VRK1: variants seen among roughly 807,000 people sequenced by gnomAD.
VRK1 encodes the protein serine/threonine-protein kinase VRK1.
A neutral mutation model predicts 57.1 loss-of-function variants in VRK1; 33 were observed. The observed-to-expected ratio is 0.58, with a 90% CI of 0.44 to 0.77. The LOEUF is 0.77. Among genes scored for constraint, VRK1 ranks in the 30% least tolerant of loss-of-function variants. The pLI, the probability that VRK1 is intolerant of heterozygous loss-of-function variation, is 0.00. For synonymous variants in VRK1, 137 were observed against 147.8 expected, an observed-to-expected ratio of 0.93 and a Z score of 0.53; for missense variants, 413 against 477.3, an observed-to-expected ratio of 0.87 and a Z score of 1.25.
At chr14:96,852,337 T>G (rs541897781) in intron 5 of VRK1, among the ~76,000 whole-genome samples, 2 of 152,370 alleles carry the variant, frequency 1.3e-5, no homozygotes, top group Admixed American at 1.3e-4. Context: ...TTTACGCCAT[T>G]TAAACAATGG....
intron 1 of VRK1, among the ~76,000 whole-genome samples, chr14:96,819,376 TAATG>T (rs1886511247): frequency 6.6e-6 from 1 of 152,170 alleles, no homozygotes; most frequent in African/African-American, 2.4e-5. Flanking sequence ...ATGAATGACT[TAATG>T]AAGAAAGTAA....
At chr14:96,875,983 C>T in intron 11 of VRK1, 47 bp from the exon 12 acceptor site, 2 of 1,591,092 alleles carry the variant, frequency 1.3e-6, no homozygotes, top group Non-Finnish European at 1.7e-6. Context: ...TTGTAGTTTA[C>T]TTGACTGTCA....
rs771146978 is a variant in VRK1, at chr14:96,855,282, A to C, written c.635A>C (p.Glu212Ala). The C allele has an allele frequency of 6.2e-7, 1 of 1,614,132 alleles. No homozygotes were observed. The highest frequency in any genetic ancestry group is 1.1e-5 in the South Asian group (1 of 91,082). ...TACTGCCCAGAAGGAGTTCATAAAG[A>C]ATACAAAGAAGACCCCAAAAGATGT... ...YRYCPEGVHK[E>A]YKEDPKRCHD... The change falls in exon 8 of 13, where the codon GAA (glutamate) becomes GCA (alanine). Residue 212 changes from glutamate (E) to alanine (A), a missense_variant. Physicochemically the swap from Glu to Ala is moderately radical, Grantham distance 107. Coordinates refer to ENST00000216639, the MANE Select transcript of VRK1 (RefSeq NM_003384.3).
intron 5 of VRK1, 148 bp from the exon 6 acceptor site, chr14:96,852,683 A>C (rs1887997280): frequency 1.4e-6 from 1 of 694,784 alleles, no homozygotes; most frequent in African/African-American, 1.8e-5. Context: ...TCTAGTTGGG[A>C]GAAATTGTTT....
In VRK1 at chr14:96,873,791, G is replaced by A. The variant is rs1198558305; in HGVS notation, c.1069-2239G>A. Among the ~76,000 whole-genome samples, 5 of 152,156 alleles carry A rather than the reference G, an allele frequency of 3.3e-5. No individual in the cohort carries two copies. In the East Asian group the frequency reaches 9.6e-4, roughly 29 times the overall value. ...ACTTAGGTACTACTAAACTTGAAGG[G>A]TTTTATTTTGGTTTTTTAATTGGTC... On this transcript the variant is annotated intron_variant, in intron 11 of 12. Transcript: ENST00000216639.
chr14:96,852,232 A>G (rs537369396), intron 5 of VRK1, among the ~76,000 whole-genome samples: 3 of 152,324 alleles, frequency 2.0e-5, no homozygotes, highest in East Asian at 3.9e-4. Context: ...CCAAGGTGAC[A>G]TAGCTGCTTT....
intron 11 of VRK1, among the ~76,000 whole-genome samples, chr14:96,872,553 C>G (rs1888864976): frequency 6.6e-6 from 1 of 152,182 alleles, no homozygotes; most frequent in African/African-American, 2.4e-5. Context: ...CAACTAGAAA[C>G]TGCTGCTTCC....
chr14:96,853,836 A>G (rs989169324), intron 7 of VRK1, among the ~76,000 whole-genome samples: 2 of 152,116 alleles, frequency 1.3e-5, no homozygotes, highest in Non-Finnish European at 2.9e-5. Context: ...TACTTAATGT[A>G]TGTTCTCACT....
In VRK1 at chr14:96,824,526, C is replaced by T. The variant is rs192774657; in HGVS notation, c.-5-8941C>T. Among the ~76,000 whole-genome samples, 519 of 151,582 alleles carry T rather than the reference C, an allele frequency of 3.4e-3. 1 individual carries two copies. Among genetic ancestry groups the T allele is most frequent in the Non-Finnish European group, 6.2e-3 (419 of 67,954 alleles). On this transcript the variant is annotated intron_variant, in intron 1 of 12. Transcript: ENST00000216639. ...AGAGAGGAATCATGAAGGCGGATCT[C>T]GGAGTGAGTTGGATAAGTAGGTGAA...
chr14:96,804,714 G>A (rs910351687), intron 1 of VRK1, among the ~76,000 whole-genome samples: 4 of 152,216 alleles, frequency 2.6e-5, no homozygotes, highest in African/African-American at 4.8e-5. Context: ...ATTTGTGGCA[G>A]TGATACGTTG....
intron 11 of VRK1, among the ~76,000 whole-genome samples, chr14:96,872,252 T>C (rs1888851696): frequency 6.6e-6 from 1 of 152,236 alleles, no homozygotes; most frequent in Non-Finnish European, 1.5e-5. Flanking sequence ...TATATGTAAT[T>C]AATGTCCATT....
rs1888958036 is a variant in VRK1 at position 96,874,701 on chromosome 14, A to G, written c.1069-1329A>G. ...CTCTGAGTTCTAATTTTCCACAGCC[A>G]CCTTAAGAATGTTTTGAAACAGTGG... On this transcript the variant is annotated intron_variant, in intron 11 of 12. Coordinates refer to ENST00000216639, the MANE Select transcript of VRK1 (RefSeq NM_003384.3). Among the ~76,000 whole-genome samples the G allele has an allele frequency of 2.0e-5, 3 of 152,208 alleles. No individual in the cohort carries two copies. In the East Asian group the frequency reaches 5.8e-4, roughly 29 times the overall value.
In VRK1 at chr14:96,817,062, G is replaced by A. The variant is rs563182947; in HGVS notation, c.-5-16405G>A. On this transcript the variant is annotated intron_variant, in intron 1 of 12. Transcript: ENST00000216639. ...GTTTGCTTTAAAATAATCTTGGAAG[G>A]GGTTAGTAGAAACAAACAAATTGGC... 1.1e-4 allele frequency among the ~76,000 whole-genome samples: 17 copies of A among 152,232 alleles called. No homozygotes were observed. The South Asian group carries it at 3.3e-3, about 30-fold the overall frequency.
chr14:96,806,829 T>G (rs1181698319), intron 1 of VRK1, among the ~76,000 whole-genome samples: 1 of 77,060 alleles, frequency 1.3e-5, no homozygotes, highest in Non-Finnish European at 2.6e-5. Flanking sequence ...CCTCCCTCCC[T>G]CCCTTCCTTC....
intron 11 of VRK1, among the ~76,000 whole-genome samples, chr14:96,865,017 A>T (rs952957640): frequency 3.3e-5 from 5 of 151,880 alleles, no homozygotes; most frequent in Admixed American, 2.0e-4. Context: ...ATCATCTTCC[A>T]GTTGGTGTTT....
chr14:96,838,497 T>A (rs1887311755), intron 3 of VRK1, among the ~76,000 whole-genome samples: 1 of 152,226 alleles, frequency 6.6e-6, no homozygotes, highest in Non-Finnish European at 1.5e-5. Context: ...GAAGAATATG[T>A]TTTGGTTAAA....
intron 1 of VRK1, among the ~76,000 whole-genome samples, chr14:96,813,084 G>C (rs1174397013): frequency 6.6e-6 from 1 of 152,188 alleles, no homozygotes; most frequent in Non-Finnish European, 1.5e-5. Context: ...AGATTGAAGG[G>C]ATACCAAGGT....
chr14:96,798,420 C>A (rs866115503), intron 1 of VRK1, among the ~76,000 whole-genome samples: 1 of 152,188 alleles, frequency 6.6e-6, no homozygotes, highest in African/African-American at 2.4e-5. Context: ...TCAAGTCACT[C>A]ATTTTTGTTT....
At chr14:96,804,681 TAAAGA>T (rs1885800732) in intron 1 of VRK1, among the ~76,000 whole-genome samples, 1 of 152,190 alleles carries the variant, frequency 6.6e-6, no homozygotes, top group Non-Finnish European at 1.5e-5. Context: ...GAAATGGTAT[TAAAGA>T]GAAGTTGTTT....
Sources: gnomAD v4.1 joint callset for allele counts (sites outside exome capture counted in the v4.1 genomes callset) on GRCh38, gnomAD v4.1.1 for gene constraint, MANE v1.5 for transcripts, NCBI Gene and HGNC (gene_info 2026-07-23, HGNC 2026-07-21) for gene names.